The following EIF5B variants were observed in gnomAD, a reference collection of about 807,000 sequenced individuals.
EIF5B encodes eukaryotic translation initiation factor 5B, also known as eIF-5B.
EIF5B carries 47 observed loss-of-function variants against 147.5 expected under a neutral mutation model. That is an observed-to-expected ratio of 0.32 (90% CI 0.25 to 0.41). EIF5B has a LOEUF of 0.41. EIF5B is among the 10% of genes least tolerant of loss of function. The pLI is 1.00. For missense variants in EIF5B, 1,064 were observed against 1,413.2 expected (o/e 0.75, Z 3.96); for synonymous variants, 455 against 456.2 (o/e 1.00, Z 0.03).
intron 8 of EIF5B, 82 bp from the exon 9 acceptor site, chr2:99,371,574 A>G: frequency 9.4e-7 from 1 of 1,060,182 alleles, no homozygotes; most frequent in Non-Finnish European, 1.4e-6. Flanking sequence ...TTTATGTCAG[A>G]GCATAATTTT....
intron 23 of EIF5B, 50 bp downstream of exon 23, chr2:99,398,959 T>A (rs749007863): frequency 1.3e-6 from 2 of 1,582,366 alleles, no homozygotes; most frequent in Non-Finnish European, 1.7e-6. Context: ...GGAATCACTC[T>A]TCTTGGGTCA....
intron 21 of EIF5B, among the ~76,000 whole-genome samples, chr2:99,396,167 A>G (rs1675041550): frequency 1.3e-5 from 2 of 152,202 alleles, no homozygotes; most frequent in African/African-American, 2.4e-5. Flanking sequence ...AGACTGGTAT[A>G]TGCTCACTTT....
At chr2:99,343,063 C>T (rs886893818) in intron 1 of EIF5B, among the ~76,000 whole-genome samples, 11 of 151,380 alleles carry the variant, frequency 7.3e-5, no homozygotes, top group Admixed American at 4.6e-4. Context: ...TGGATTCAAG[C>T]GATTCTCATG....
intron 21 of EIF5B, among the ~76,000 whole-genome samples, chr2:99,395,348 C>G (rs1160793317): frequency 6.6e-6 from 1 of 152,192 alleles, no homozygotes; most frequent in Non-Finnish European, 1.5e-5. Flanking sequence ...CCTCCTTTCC[C>G]TTTGAGACAG....
At chr2:99,338,937 T>TATATATATATATATATATACAC (rs1491555384) in intron 1 of EIF5B, among the ~76,000 whole-genome samples, 1 of 134,692 alleles carries the variant, frequency 7.4e-6, no homozygotes, top group Non-Finnish European at 1.6e-5. Flanking sequence ...TATATATATA[T>TATATATATATATATATATACAC]ACAAATATAT....
intron 18 of EIF5B, 44 bp from the exon 19 acceptor site, chr2:99,394,218 GAGGAT>G (rs1382355685): frequency 1.3e-6 from 2 of 1,561,330 alleles, no homozygotes; most frequent in Non-Finnish European, 1.7e-6. Context: ...CTAGACTGCT[GAGGAT>G]AGAGGTGTGT....
intron 4 of EIF5B, among the ~76,000 whole-genome samples, chr2:99,362,715 C>T (rs1009803276): frequency 6.6e-6 from 1 of 152,168 alleles, no homozygotes; most frequent in African/African-American, 2.4e-5. Context: ...CCAACAAAAG[C>T]AGTAGTTTTT....
intron 3 of EIF5B, among the ~76,000 whole-genome samples, 161 bp from the exon 4 acceptor site, chr2:99,360,987 A>G (rs971686806): frequency 9.9e-5 from 15 of 152,198 alleles, no homozygotes; most frequent in Non-Finnish European, 2.2e-4. Context: ...GCCAAGGCCA[A>G]CCTCTCTTGC....
intron 13 of EIF5B, 61 bp downstream of exon 13, chr2:99,382,287 G>T: frequency 7.1e-7 from 1 of 1,415,148 alleles, no homozygotes; most frequent in Non-Finnish European, 1.0e-6. Flanking sequence ...AAGTCTAAAA[G>T]TTCAGCAGAG....
At chr2:99,379,975 T>G (rs545786619) in intron 12 of EIF5B, among the ~76,000 whole-genome samples, 203 of 152,278 alleles carry the variant, frequency 1.3e-3, no homozygotes, top group Middle Eastern at 6.8e-3. Context: ...CAATCAAAGA[T>G]CTCTTCTCCA....
Position 99,400,482 on chromosome 2 carries a change from T to TTAAAC in EIF5B, c.*1071_*1075dup, listed in dbSNP as rs753389247. ...TCCAAATATCCACTAGCATAGAATTTTAAACTATTTTTATTTTAAAGTTAT... is the reference window on the plus strand; with the variant it reads ...TCCAAATATCCACTAGCATAGAATTTTAAACTAAACTATTTTTATTTTAAAGTTAT... On this transcript the variant is annotated 3_prime_UTR_variant, in exon 24 of 24. Transcript: ENST00000289371. 7 of 152,346 alleles carry TTAAAC rather than the reference T, an allele frequency of 4.6e-5. No individual in the cohort carries two copies. Among genetic ancestry groups the TTAAAC allele is most frequent in the South Asian group, 4.1e-4 (2 of 4,832 alleles). 9.4% of individuals were successfully genotyped at this position (152,346 alleles called of 1,614,324 possible).
At chr2:99,396,031 G>T (rs1675039283) in intron 21 of EIF5B, among the ~76,000 whole-genome samples, 2 of 152,166 alleles carry the variant, frequency 1.3e-5, no homozygotes, top group South Asian at 4.1e-4. Flanking sequence ...AGTGGCAAGA[G>T]CCTGTCAGGA....
chr2:99,372,272 G>C (rs967882612), intron 9 of EIF5B, among the ~76,000 whole-genome samples: 1 of 151,860 alleles, frequency 6.6e-6, no homozygotes. Context: ...GTCAAATTCT[G>C]TAAGTCTGAT....
intron 1 of EIF5B, among the ~76,000 whole-genome samples, chr2:99,338,032 G>C (rs1471597318): frequency 6.6e-6 from 1 of 152,204 alleles, no homozygotes; most frequent in Non-Finnish European, 1.5e-5. Flanking sequence ...TTCTCTACTC[G>C]CGGTTTCAGG....
chr2:99,341,480 C>T (rs550523388), intron 1 of EIF5B, among the ~76,000 whole-genome samples: 3 of 152,160 alleles, frequency 2.0e-5, no homozygotes, highest in Non-Finnish European at 4.4e-5. Context: ...ATGTTACTTG[C>T]TCATTTGTTG....
At chr2:99,338,605 A>G (rs1328317751) in intron 1 of EIF5B, among the ~76,000 whole-genome samples, 1 of 152,228 alleles carries the variant, frequency 6.6e-6, no homozygotes, top group Non-Finnish European at 1.5e-5. Context: ...GCTTATGAGT[A>G]GAATTAAAAG....
chr2:99,398,653 C>T (rs547171400), intron 22 of EIF5B, 95 bp from the exon 23 acceptor site: 628 of 1,328,096 alleles, frequency 4.7e-4, no homozygotes, highest in Non-Finnish European at 6.2e-4. Context: ...TTAAAACAGG[C>T]TTTTGCTCTA....
intron 1 of EIF5B, among the ~76,000 whole-genome samples, chr2:99,360,007 A>G (rs1465848905): frequency 6.6e-6 from 1 of 152,218 alleles, no homozygotes; most frequent in East Asian, 1.9e-4. Context: ...TTTTTTCTGG[A>G]GCTTTTCATT....
chr2:99,373,981 T>C (rs1486706844), intron 9 of EIF5B, among the ~76,000 whole-genome samples: 1 of 152,136 alleles, frequency 6.6e-6, no homozygotes, highest in African/African-American at 2.4e-5. Context: ...ATTTACCCAA[T>C]ACTCTATTTA....
Sources: allele counts gnomAD v4.1 joint callset (sites outside exome capture counted in the v4.1 genomes callset), GRCh38; gene constraint gnomAD v4.1.1; transcripts MANE v1.5; gene names NCBI Gene and HGNC (gene_info 2026-07-23, HGNC 2026-07-21).